PTCHD4: variants seen among roughly 807,000 people sequenced by gnomAD.
PTCHD4 encodes patched domain-containing protein 4.
A neutral mutation model predicts 58.1 loss-of-function variants in PTCHD4; 33 were observed. The observed-to-expected ratio is 0.57, with a 90% CI of 0.43 to 0.76. The LOEUF is 0.76. PTCHD4 is among the 30% of genes least tolerant of loss of function. PTCHD4 has a pLI of 0.00. For missense variants in PTCHD4, 1,058 were observed against 1,027.1 expected, an observed-to-expected ratio of 1.03 and a Z score of -0.41; for synonymous variants, 478 against 409.6, an observed-to-expected ratio of 1.17 and a Z score of -2.02.
chr6:48,033,870 G>A (rs995965379), intron 3 of PTCHD4, among the ~76,000 whole-genome samples: 1 of 152,056 alleles, frequency 6.6e-6, no homozygotes, highest in African/African-American at 2.4e-5. Context: ...GAGATGCTAT[G>A]ATAATGTGTT....
At chr6:47,934,353 T>C (rs1016106252) in intron 4 of PTCHD4, among the ~76,000 whole-genome samples, 2 of 152,138 alleles carry the variant, frequency 1.3e-5, no homozygotes, top group African/African-American at 4.8e-5. Flanking sequence ...AGCCTGAATT[T>C]TCGTGGCCAT....
chr6:47,976,826 A>G (rs1435942312), intron 4 of PTCHD4, among the ~76,000 whole-genome samples: 1 of 152,086 alleles, frequency 6.6e-6, no homozygotes, highest in Non-Finnish European at 1.5e-5. Context: ...CAGCATCAAC[A>G]ATAAGAATAT....
chr6:48,012,289 G>A (rs1368701904), intron 3 of PTCHD4, among the ~76,000 whole-genome samples: 1 of 151,996 alleles, frequency 6.6e-6, no homozygotes, highest in Non-Finnish European at 1.5e-5. Context: ...TCCTTTACAT[G>A]CATTGTAAGT....
intron 3 of PTCHD4, among the ~76,000 whole-genome samples, chr6:48,017,298 A>AT: frequency 6.6e-6 from 1 of 152,288 alleles, no homozygotes; most frequent in South Asian, 2.1e-4. Flanking sequence ...CAAGGTATTT[A>AT]TTTTTTAAAA....
chr6:47,972,791 A>G (rs1266679936), intron 4 of PTCHD4, among the ~76,000 whole-genome samples: 2 of 151,966 alleles, frequency 1.3e-5, no homozygotes, highest in Non-Finnish European at 2.9e-5. Context: ...AAGTGATGAG[A>G]CTTGGAATTA....
At chr6:48,092,727 G>A (rs1044383986) in intron 1 of PTCHD4, among the ~76,000 whole-genome samples, 16 of 152,072 alleles carry the variant, frequency 1.1e-4, no homozygotes, top group Middle Eastern at 3.2e-3. Context: ...AGCATAAAAC[G>A]TCATGGGGAA....
In PTCHD4 at chr6:47,879,827, G is replaced by A. The variant is rs760219904; in HGVS notation, c.1008C>T (p.Thr336=). The A allele has an allele frequency of 3.7e-5, 60 of 1,612,836 alleles. No homozygotes were observed. Among genetic ancestry groups the A allele is most frequent in the Non-Finnish European group, 5.1e-5 (60 of 1,179,388 alleles). Residue 336 remains threonine, a synonymous_variant, in exon 5 of 5, where the codon ACC becomes ACT. Transcript: ENST00000339488. ...AGTACAGGGAGCTGGTCATGGTATA[G>A]GTGACCATCACATCAGAATAGGCAT... is the stretch of plus-strand genomic sequence containing the variant. ...IADAYSDVMV[T]YTMTSSLYFI...
chr6:47,878,294 C>T lies in PTCHD4; in HGVS notation c.*9G>A. On this transcript the variant is annotated 3_prime_UTR_variant, in exon 5 of 5. Transcript: ENST00000339488. Reference sequence around the variant, plus strand: ...TGGAAAAGAAAAATAATCCACTGGTCTATACCCCTCATACTGTGGTGACGT... The same window carrying T: ...TGGAAAAGAAAAATAATCCACTGGTTTATACCCCTCATACTGTGGTGACGT... The T allele has an allele frequency of 6.4e-7, 1 of 1,572,284 alleles. No individual in the cohort carries two copies. Among genetic ancestry groups the T allele is most frequent in the Non-Finnish European group, 8.6e-7 (1 of 1,161,554 alleles).
intron 4 of PTCHD4, among the ~76,000 whole-genome samples, chr6:47,937,507 A>C (rs2113917785): frequency 6.6e-6 from 1 of 152,248 alleles, no homozygotes; most frequent in Non-Finnish European, 1.5e-5. Context: ...GGGTAAAGGA[A>C]GTTTGTGAGG....
intron 4 of PTCHD4, among the ~76,000 whole-genome samples, chr6:47,937,929 G>A (rs1471260041): frequency 6.6e-6 from 1 of 152,120 alleles, no homozygotes; most frequent in African/African-American, 2.4e-5. Flanking sequence ...GAGGCAGGTG[G>A]ATAACCTGAG....
In PTCHD4 at chr6:47,915,757, C is replaced by T. The variant is rs575683369; in HGVS notation, c.899-35821G>A. Among the ~76,000 whole-genome samples the T allele has an allele frequency of 2.1e-4, 32 of 152,072 alleles. No homozygotes were observed. In the South Asian group the frequency reaches 6.6e-3, roughly 32 times the overall value. On this transcript the variant is annotated intron_variant, in intron 4 of 4. Transcript: ENST00000339488. ...CATAGACTAGGACTTTTTGCATTGC[C>T]TCAGCATTGCCCCGTACTGGCACAA...
At chr6:48,011,378 C>T (rs1367773477) in intron 3 of PTCHD4, among the ~76,000 whole-genome samples, 1 of 151,978 alleles carries the variant, frequency 6.6e-6, no homozygotes, top group Non-Finnish European at 1.5e-5. Context: ...TAAATGTCTT[C>T]TTTTGAGAAG....
At position 47,861,262 on chromosome 6, in the gene PTCHD4, A is replaced by G. The variant is rs1037160007; in HGVS notation, c.*17041T>C. 2.6e-5 allele frequency among the ~76,000 whole-genome samples: 4 copies of G among 151,998 alleles called. No homozygotes were observed. Among genetic ancestry groups the G allele is most frequent in the Non-Finnish European group, 5.9e-5 (4 of 67,918 alleles). On this transcript the variant is annotated 3_prime_UTR_variant, in exon 5 of 5. Transcript: ENST00000339488. ...AATAGAAGAGGTGGCAACAGGGTAGAAAACGACTCATTAACACTCCTTGCT... is the reference window on the plus strand; with the variant it reads ...AATAGAAGAGGTGGCAACAGGGTAGGAAACGACTCATTAACACTCCTTGCT...
intron 1 of PTCHD4, among the ~76,000 whole-genome samples, chr6:48,092,801 C>A (rs1339640242): frequency 6.6e-6 from 1 of 152,154 alleles, no homozygotes; most frequent in African/African-American, 2.4e-5. Flanking sequence ...GGGAATGGGT[C>A]TCAGTGAGGC....
chr6:47,939,737 T>C (rs1364013641), intron 4 of PTCHD4, among the ~76,000 whole-genome samples: 1 of 152,100 alleles, frequency 6.6e-6, no homozygotes, highest in Non-Finnish European at 1.5e-5. Context: ...GAGTTAAAAA[T>C]GTTAAAGTGC....
At chr6:48,032,353 G>A (rs1193774655) in intron 3 of PTCHD4, among the ~76,000 whole-genome samples, 1 of 151,978 alleles carries the variant, frequency 6.6e-6, no homozygotes, top group Admixed American at 6.6e-5. Context: ...ATTATTCAAG[G>A]CCACATGAGT....
In PTCHD4 at chr6:47,873,873, AG is replaced by A. The variant is rs1324555750; in HGVS notation, c.*4429del. 6.6e-6 allele frequency among the ~76,000 whole-genome samples: 1 copy of A among 151,664 alleles called. No individual in the cohort carries two copies. Among genetic ancestry groups the A allele is most frequent in the Admixed American group, 6.6e-5 (1 of 15,174 alleles). On this transcript the variant is annotated 3_prime_UTR_variant, in exon 5 of 5. Transcript: ENST00000339488. ...TTTTTTGTTTGTTTTTTGTTTGTAAAGGGAAGAAAAGTGCTTCTGAGGCTCT... is the reference window on the plus strand; with the variant it reads ...TTTTTTGTTTGTTTTTTGTTTGTAAAGGAAGAAAAGTGCTTCTGAGGCTCT...
intron 4 of PTCHD4, chr6:47,890,851 A>T: frequency 1.7e-5 from 17 of 973,050 alleles, no homozygotes; most frequent in Non-Finnish European, 2.1e-5. Flanking sequence ...TCCCTGCTAA[A>T]TAGCCACTAT....
intron 1 of PTCHD4, among the ~76,000 whole-genome samples, chr6:48,086,518 T>C (rs185913753): frequency 1.1e-4 from 17 of 151,928 alleles, no homozygotes; most frequent in East Asian, 7.7e-4. Context: ...TGTTTTTTTT[T>C]CCCTAATATA....
Sources: allele counts gnomAD v4.1 joint callset (sites outside exome capture counted in the v4.1 genomes callset), GRCh38; gene constraint gnomAD v4.1.1; transcripts MANE v1.5; gene names NCBI Gene and HGNC (gene_info 2026-07-23, HGNC 2026-07-21).